Variants in POLR2J observed in about 807,000 individuals in gnomAD.
POLR2J encodes the protein RNA polymerase II subunit J, also known as DNA-directed RNA polymerase II subunit RPB11-a.
A neutral mutation model predicts 13.4 loss-of-function variants in POLR2J; 12 were observed. That is an observed-to-expected ratio of 0.90 (90% CI 0.57 to 1.45). The LOEUF (loss-of-function observed/expected upper bound fraction) is 1.45. Ranked by LOEUF, POLR2J falls within the 40% of genes most tolerant of loss-of-function variation. POLR2J has a pLI of 0.00. For synonymous variants in POLR2J, 31 were observed against 53.6 expected (o/e 0.58, Z 1.84); for missense variants, 58 against 132.0 (o/e 0.44, Z 2.75).
At position 102,473,192 on chromosome 7, in the gene POLR2J, T is replaced by TA; in HGVS notation, c.*456dup. On this transcript the variant is annotated 3_prime_UTR_variant, in exon 4 of 4. Transcript: ENST00000292614. ...AAGCCTGTGGAAAGGTGTTTCGAGT[T>TA]ATGCAGGAAGAAGTGTTCCTGCTTT... 1 of 991,868 alleles carries TA rather than the reference T, an allele frequency of 1.0e-6. No individual in the cohort carries two copies. The highest frequency in any genetic ancestry group is 1.4e-6 in the Non-Finnish European group (1 of 691,790). The allele number at this position is 991,868 out of a possible 1,614,324, so 61.4% of individuals were successfully genotyped here.
Position 102,478,818 on chromosome 7 carries a change from C to T in POLR2J, c.43G>A (p.Gly15Ser). Residue 15 changes from glycine to serine, a missense_variant, in exon 1 of 4, where the codon GGC (glycine) becomes AGC (serine). By Grantham distance (56) the Gly-to-Ser change is moderately conservative (BLOSUM62 0). Around this residue, in one of 4 missense-constraint regions of POLR2J, gnomAD observed 23 missense variants for 52.6 expected, o/e 0.44. Coordinates refer to ENST00000292614, the MANE Select transcript of POLR2J (RefSeq NM_006234.6). ...GCCGGCGTCACTTACTTCTTCTCGC[C>T]CTCGAAGAGCAAGAACGACTCGAAG... ...PAFESFLLFE[G>S]EKKITINKDT... 12 of 1,610,940 alleles carry T rather than the reference C, an allele frequency of 7.4e-6. No homozygotes were observed. Among genetic ancestry groups the T allele is most frequent in the Non-Finnish European group, 1.0e-5 (12 of 1,179,726 alleles).
rs573748878 is a variant in POLR2J, at chr7:102,474,028, G to C, written c.318+333C>G. 21 of 1,441,078 alleles carry C rather than the reference G, an allele frequency of 1.5e-5. No individual in the cohort carries two copies. In the African/African-American group the frequency reaches 1.6e-4, roughly 11 times the overall value. 89.3% of individuals were successfully genotyped at this position (1,441,078 alleles called of 1,614,324 possible). On this transcript the variant is annotated intron_variant, in intron 3 of 3. Coordinates refer to ENST00000292614, the MANE Select transcript of POLR2J (RefSeq NM_006234.6). ...CCACCCGGGGGTGAGCTGCCTCCCA[G>C]AGACCTGGAAGGACCAGGCCTTGCC...
At chr7:102,473,977 T>C (rs9692124) in intron 3 of POLR2J, 1 of 1,433,350 alleles carries the variant, frequency 7.0e-7, no homozygotes, top group African/African-American at 1.4e-5. Context: ...TAGATTCCCA[T>C]GCGCCCTGCC....
intron 3 of POLR2J, 186 bp from the exon 4 acceptor site, chr7:102,473,870 C>T (rs1180152643): frequency 3.1e-5 from 45 of 1,442,322 alleles, no homozygotes; most frequent in Non-Finnish European, 3.9e-5. Flanking sequence ...CTATGGCAGC[C>T]CCGGCAGGAG....
At chr7:102,473,916 C>T (rs1798327461) in intron 3 of POLR2J, 1 of 1,435,704 alleles carries the variant, frequency 7.0e-7, no homozygotes, top group Admixed American at 2.9e-5. Flanking sequence ...GAGCAGACGA[C>T]TCAGACGTTG....
chr7:102,476,500 T>A (rs192364502), intron 1 of POLR2J, among the ~76,000 whole-genome samples: 1 of 148,402 alleles, frequency 6.7e-6, no homozygotes, highest in African/African-American at 2.5e-5. Context: ...ATTAGCTGAG[T>A]GTGGTGATCC....
rs1453235114 is a variant in POLR2J, at chr7:102,473,530, G to A, written c.*119C>T. On this transcript the variant is annotated 3_prime_UTR_variant, in exon 4 of 4. Coordinates refer to ENST00000292614, the MANE Select transcript of POLR2J (RefSeq NM_006234.6). Reference sequence around the variant, plus strand: ...GGACACGTCGGTGTCAGGGTGAGGGGTGGCCACAAGGCGGGCCATGGCTGG... The same window carrying A: ...GGACACGTCGGTGTCAGGGTGAGGGATGGCCACAAGGCGGGCCATGGCTGG... The A allele has an allele frequency of 1.2e-5, 17 of 1,477,110 alleles. No homozygotes were observed. Among genetic ancestry groups the A allele is most frequent in the Non-Finnish European group, 1.5e-5 (16 of 1,093,834 alleles). The allele number at this position is 1,477,110 out of a possible 1,614,324, so 91.5% of individuals were successfully genotyped here.
chr7:102,473,541 G>GGTGAGGGGTGGCCAACACGT lies in POLR2J; in HGVS notation c.*107_*108insACGTGTTGGCCACCCCTCAC. On this transcript the variant is annotated 3_prime_UTR_variant, in exon 4 of 4. Coordinates refer to ENST00000292614, the MANE Select transcript of POLR2J (RefSeq NM_006234.6). Reference sequence around the variant, plus strand: ...TGTCAGGGTGAGGGGTGGCCACAAGGCGGGCCATGGCTGGGACCGGCCGCT... The same window carrying GGTGAGGGGTGGCCAACACGT: ...TGTCAGGGTGAGGGGTGGCCACAAGGGTGAGGGGTGGCCAACACGTCGGGCCATGGCTGGGACCGGCCGCT... 2 of 1,525,504 alleles carry GGTGAGGGGTGGCCAACACGT rather than the reference G, an allele frequency of 1.3e-6. No individual in the cohort carries two copies. Among genetic ancestry groups the GGTGAGGGGTGGCCAACACGT allele is most frequent in the African/African-American group, 1.4e-5 (1 of 73,390 alleles). The allele number at this position is 1,525,504 out of a possible 1,614,324, so 94.5% of individuals were successfully genotyped here. A position where few individuals can be genotyped will look rare whatever the true frequency, so the allele number is the denominator to read the frequency against.
In POLR2J at chr7:102,473,383, C is replaced by T. The variant is rs1412366833; in HGVS notation, c.*266G>A. On this transcript the variant is annotated 3_prime_UTR_variant, in exon 4 of 4. Transcript: ENST00000292614. ...CCCTGCCAGCCGGACGCCCCTGAAA[C>T]AGGTCATCTGCCTGCATCAAGCCTG... is the stretch of plus-strand genomic sequence containing the variant. 3.4e-6 allele frequency: 2 copies of T among 593,018 alleles called. No individual in the cohort carries two copies. The allele number at this position is 593,018 out of a possible 1,614,324, so 36.7% of individuals were successfully genotyped here. A position where few individuals can be genotyped will look rare whatever the true frequency, so the allele number is the denominator to read the frequency against.
chr7:102,478,851 G>C lies in POLR2J; in HGVS notation c.10C>G (p.Pro4Ala). 1 of 1,610,796 alleles carries C rather than the reference G, an allele frequency of 6.2e-7. No homozygotes were observed. Among genetic ancestry groups the C allele is most frequent in the Non-Finnish European group, 8.5e-7 (1 of 1,179,732 alleles). The change falls in exon 1 of 4, where the codon CCT becomes GCT. Residue 4 changes from proline (P) to alanine (A), a missense_variant. Physicochemically the swap from Pro to Ala is conservative, Grantham distance 27 (BLOSUM62 -1). Transcript: ENST00000292614. MNA[P>A]PAFESFLLFE... Reference sequence around the variant, plus strand: ...AGCAAGAACGACTCGAAGGCTGGAGGGGCGTTCATGCTCCCGCCGCCGTTG... The same window carrying C: ...AGCAAGAACGACTCGAAGGCTGGAGCGGCGTTCATGCTCCCGCCGCCGTTG...
chr7:102,478,845 C>T lies in POLR2J; in HGVS notation c.16G>A (p.Ala6Thr). The change falls in exon 1 of 4, where the codon GCC (alanine) becomes ACC (threonine). Residue 6 changes from alanine to threonine, a missense_variant. Physicochemically the swap from Ala to Thr is moderately conservative, Grantham distance 58. Around this residue, in one of 4 missense-constraint regions of POLR2J, gnomAD observed 23 missense variants for 52.6 expected, o/e 0.44. Transcript: ENST00000292614. ...TCGAAGAGCAAGAACGACTCGAAGG[C>T]TGGAGGGGCGTTCATGCTCCCGCCG... MNAPP[A>T]FESFLLFEGE... 2 of 1,610,836 alleles carry T rather than the reference C, an allele frequency of 1.2e-6. No individual in the cohort carries two copies. The highest frequency in any genetic ancestry group is 1.7e-6 in the Non-Finnish European group (2 of 1,179,736).
chr7:102,476,464 G>A (rs1275494028), intron 1 of POLR2J, among the ~76,000 whole-genome samples, 194 bp from the exon 2 acceptor site: 4 of 150,866 alleles, frequency 2.7e-5, no homozygotes, highest in Non-Finnish European at 2.9e-5. Context: ...AACCCTGCCT[G>A]TACTAAAAAT....
At position 102,473,480 on chromosome 7, in the gene POLR2J, G is replaced by T. The variant is rs1418275675; in HGVS notation, c.*169C>A. On this transcript the variant is annotated 3_prime_UTR_variant, in exon 4 of 4. Transcript: ENST00000292614. ...GGTCTCTCCCGCTATACTTTATTAGGAATATAAAACCTAATCTATGTACAG... is the reference window on the plus strand; with the variant it reads ...GGTCTCTCCCGCTATACTTTATTAGTAATATAAAACCTAATCTATGTACAG... 8 of 830,276 alleles carry T rather than the reference G, an allele frequency of 9.6e-6. No homozygotes were observed. Among genetic ancestry groups the T allele is most frequent in the South Asian group, 4.6e-5 (2 of 43,828 alleles). 51.4% of individuals were successfully genotyped at this position (830,276 alleles called of 1,614,324 possible). A position where few individuals can be genotyped will look rare whatever the true frequency, so the allele number is the denominator to read the frequency against.
At chr7:102,478,774 C>G (rs925182390) in intron 1 of POLR2J, 34 bp downstream of exon 1, 10 of 1,609,256 alleles carry the variant, frequency 6.2e-6, no homozygotes, top group Admixed American at 5.0e-5. Flanking sequence ...CGCAGGCCCG[C>G]GCACCTCGGC....
intron 3 of POLR2J, chr7:102,473,988 AG>A: frequency 7.0e-7 from 1 of 1,435,188 alleles, no homozygotes; most frequent in East Asian, 2.5e-5. Flanking sequence ...GCGCCCTGCC[AG>A]GAACAGGTGT....
Position 102,473,135 on chromosome 7 carries a change from G to A in POLR2J, c.*514C>T. ...TGGGGGTGGGGGGGGGTCTTTCAGT[G>A]AATATTTTTATTAAACTCTACTGTG... On this transcript the variant is annotated 3_prime_UTR_variant, in exon 4 of 4. Transcript: ENST00000292614. 2 of 1,421,754 alleles carry A rather than the reference G, an allele frequency of 1.4e-6. No homozygotes were observed. Among genetic ancestry groups the A allele is most frequent in the South Asian group, 2.7e-5 (2 of 74,904 alleles). 88.1% of individuals were successfully genotyped at this position (1,421,754 alleles called of 1,614,324 possible).
chr7:102,475,061 G>A lies in POLR2J; in HGVS notation c.144-526C>T, dbSNP rs1488938944. On this transcript the variant is annotated intron_variant, in intron 2 of 3. Transcript: ENST00000292614. ...GGCACGCAGGGGTCTCCTCTAGAGC[G>A]GCTCAGAGTGGCGTGAGCACCACAA... is the stretch of plus-strand genomic sequence containing the variant. 5.3e-5 allele frequency among the ~76,000 whole-genome samples: 8 copies of A among 152,050 alleles called. No individual in the cohort carries two copies. In the East Asian group the frequency reaches 7.8e-4, roughly 15 times the overall value.
chr7:102,474,306 G>A, intron 3 of POLR2J, 55 bp downstream of exon 3: 2 of 1,611,524 alleles, frequency 1.2e-6, no homozygotes, highest in Non-Finnish European at 1.7e-6. Flanking sequence ...CCAGGCCTGG[G>A]CACACGGGCC....
Position 102,473,435 on chromosome 7 carries a change from G to T in POLR2J, c.*214C>A. 2 of 685,550 alleles carry T rather than the reference G, an allele frequency of 2.9e-6. No homozygotes were observed. Among genetic ancestry groups the T allele is most frequent in the Non-Finnish European group, 4.6e-6 (2 of 434,222 alleles). The allele number at this position is 685,550 out of a possible 1,614,324, so 42.5% of individuals were successfully genotyped here. ...CAATCCATTTGCTTGCGAAGTCACC[G>T]CTGCTCAAGTCCACATCCAGGTCTC... On this transcript the variant is annotated 3_prime_UTR_variant, in exon 4 of 4. Coordinates refer to ENST00000292614, the MANE Select transcript of POLR2J (RefSeq NM_006234.6).
Sources: allele counts gnomAD v4.1 joint callset (sites outside exome capture counted in the v4.1 genomes callset), GRCh38; gene constraint gnomAD v4.1.1; regional missense constraint gnomAD v4.1.1; transcripts MANE v1.5; gene names NCBI Gene and HGNC (gene_info 2026-07-23, HGNC 2026-07-21).